ANKRD55: variants seen among roughly 807,000 people sequenced by gnomAD.
ANKRD55 encodes the protein ankyrin repeat domain-containing protein 55.
ANKRD55 carries 41 observed loss-of-function variants against 60.6 expected under a neutral mutation model. That is an observed-to-expected ratio of 0.68 (90% CI 0.53 to 0.88). The LOEUF (loss-of-function observed/expected upper bound fraction) is 0.88. Ranked by LOEUF, ANKRD55 falls within the 40% of genes least tolerant of loss-of-function variation. The pLI is 0.00. For synonymous variants in ANKRD55, 264 were observed against 290.3 expected (o/e 0.91, Z 0.92); for missense variants, 732 against 767.6 (o/e 0.95, Z 0.55).
rs1230889007 is a variant in ANKRD55, at chr5:56,126,925, T to C, written c.794A>G (p.Asp265Gly). Reference sequence around the variant, plus strand: ...ACTTTCTGGTTACCATGGATACCTGTCATCCACATCCAGAGCCTGCAGGTT... The same window carrying C: ...ACTTTCTGGTTACCATGGATACCTGCCATCCACATCCAGAGCCTGCAGGTT... ...ECNLQALDVD[D>G]RTPLHWAAAA... Residue 265 changes from aspartate (D) to glycine (G), a missense_variant, in exon 8 of 12, where the codon GAC becomes GGC. Physicochemically the swap from Asp to Gly is moderately conservative, Grantham distance 94 (BLOSUM62 -1). Coordinates refer to ENST00000341048, the MANE Select transcript of ANKRD55 (RefSeq NM_024669.3). The C allele has an allele frequency of 6.2e-7, 1 of 1,602,878 alleles. No homozygotes were observed. Among genetic ancestry groups the C allele is most frequent in the Non-Finnish European group, 8.5e-7 (1 of 1,173,936 alleles).
intron 4 of ANKRD55, among the ~76,000 whole-genome samples, chr5:56,173,381 A>G (rs1006381060): frequency 2.0e-5 from 3 of 150,558 alleles, no homozygotes; most frequent in African/African-American, 7.3e-5. Context: ...TATTTTTGGT[A>G]GAGACGGGGT....
At chr5:56,142,306 C>G (rs1454844575) in intron 7 of ANKRD55, among the ~76,000 whole-genome samples, 1 of 152,116 alleles carries the variant, frequency 6.6e-6, no homozygotes, top group Admixed American at 6.5e-5. Flanking sequence ...TGCACTCTGG[C>G]CTGGGCTACA....
At chr5:56,147,251 G>C (rs769083339) in intron 6 of ANKRD55, among the ~76,000 whole-genome samples, 6 of 152,276 alleles carry the variant, frequency 3.9e-5, no homozygotes, top group Non-Finnish European at 8.8e-5. Flanking sequence ...TGAGTCCATG[G>C]TAGAGCTAGG....
intron 6 of ANKRD55, among the ~76,000 whole-genome samples, chr5:56,152,682 G>A (rs1466312167): frequency 6.6e-6 from 1 of 152,106 alleles, no homozygotes. Flanking sequence ...GACCTATCTT[G>A]CTTTTTTCAG....
In ANKRD55 at chr5:56,232,878, A is replaced by G. The variant is rs763309236; in HGVS notation, c.36T>C (p.Pro12=). 3.1e-6 allele frequency: 5 copies of G among 1,614,166 alleles called. No individual in the cohort carries two copies. In the South Asian group the frequency reaches 4.4e-5, roughly 14 times the overall value. Residue 12 remains proline (P), a synonymous_variant, in exon 2 of 12, where the codon CCT becomes CCC. Transcript: ENST00000341048. ...TACCTCTTTGCTGATCAAACACAGA[A>G]GGGGTGCTGAAATCCATGGTAGCCT... The part of the protein sequence containing the change: ...MRQATMDFST[P]SVFDQQRGDS...
At chr5:56,182,742 G>A (rs1758877986) in intron 3 of ANKRD55, among the ~76,000 whole-genome samples, 2 of 152,162 alleles carry the variant, frequency 1.3e-5, no homozygotes, top group South Asian at 4.1e-4. Context: ...TAAAGGGGAA[G>A]TAAAGGGGTG....
chr5:56,166,879 T>C (rs1580996588), intron 5 of ANKRD55, among the ~76,000 whole-genome samples: 1 of 152,226 alleles, frequency 6.6e-6, no homozygotes, highest in African/African-American at 2.4e-5. Flanking sequence ...TAATGAATCA[T>C]GAGCCAGGAA....
At chr5:56,106,770 C>T (rs1286667559) in intron 10 of ANKRD55, among the ~76,000 whole-genome samples, 1 of 151,782 alleles carries the variant, frequency 6.6e-6, no homozygotes, top group Non-Finnish European at 1.5e-5. Flanking sequence ...TTTTGGGAGG[C>T]CAAGATGGGA....
chr5:56,162,924 C>T (rs550831457), intron 5 of ANKRD55, among the ~76,000 whole-genome samples: 2 of 152,262 alleles, frequency 1.3e-5, no homozygotes, highest in South Asian at 2.1e-4. Flanking sequence ...GATCCTCAGC[C>T]GCCCGAAGTG....
intron 7 of ANKRD55, 167 bp from the exon 8 acceptor site, chr5:56,127,273 T>C (rs1286453330): frequency 6.1e-6 from 6 of 975,942 alleles, no homozygotes; most frequent in Non-Finnish European, 7.3e-6. Flanking sequence ...ACACTCTATC[T>C]AAGCTCTCCA....
intron 2 of ANKRD55, among the ~76,000 whole-genome samples, chr5:56,185,560 C>T (rs1432243414): frequency 8.1e-5 from 12 of 148,300 alleles, no homozygotes; most frequent in East Asian, 2.1e-4. Flanking sequence ...TCCAGCTACT[C>T]GGGAGGCTGG....
chr5:56,126,900 A>G (rs1757276309), intron 8 of ANKRD55, 22 bp downstream of exon 8: 4 of 1,582,296 alleles, frequency 2.5e-6, no homozygotes, highest in Admixed American at 1.8e-5. Flanking sequence ...GTTTCCCAGC[A>G]CTTTCTGGTT....
At chr5:56,120,936 C>T (rs2111702816) in intron 8 of ANKRD55, among the ~76,000 whole-genome samples, 1 of 149,668 alleles carries the variant, frequency 6.7e-6, no homozygotes, top group South Asian at 2.1e-4. Flanking sequence ...GTGACAAGAG[C>T]ATAAAGGACC....
intron 10 of ANKRD55, among the ~76,000 whole-genome samples, chr5:56,107,700 T>C (rs1756525667): frequency 6.6e-6 from 1 of 152,034 alleles, no homozygotes; most frequent in Non-Finnish European, 1.5e-5. Flanking sequence ...GGACACGCAT[T>C]TTTCCCCCTC....
At chr5:56,171,456 G>C (rs987647144) in intron 4 of ANKRD55, among the ~76,000 whole-genome samples, 1 of 152,000 alleles carries the variant, frequency 6.6e-6, no homozygotes, top group Non-Finnish European at 1.5e-5. Context: ...TCTCCTCCTC[G>C]GTCAACATTT....
intron 7 of ANKRD55, among the ~76,000 whole-genome samples, chr5:56,129,283 G>A (rs867596411): frequency 6.6e-5 from 10 of 152,094 alleles, no homozygotes; most frequent in Admixed American, 5.9e-4. Context: ...GTTTACATTG[G>A]GTAGAAATGT....
chr5:56,141,408 T>G (rs529802088), intron 7 of ANKRD55, among the ~76,000 whole-genome samples: 20 of 152,262 alleles, frequency 1.3e-4, no homozygotes, highest in Middle Eastern at 6.8e-3. Context: ...AGCTCCAGTT[T>G]TGAAAAATAT....
chr5:56,114,645 G>A (rs1422016282), intron 9 of ANKRD55, among the ~76,000 whole-genome samples: 6 of 152,228 alleles, frequency 3.9e-5, no homozygotes, highest in African/African-American at 1.4e-4. Context: ...AATCACGCAT[G>A]TGTATAAGAC....
intron 2 of ANKRD55, among the ~76,000 whole-genome samples, chr5:56,209,643 T>G (rs944151377): frequency 1.3e-5 from 2 of 151,710 alleles, no homozygotes; most frequent in Non-Finnish European, 2.9e-5. Flanking sequence ...ATTTTTGTAT[T>G]TTTAGTAGAG....
Sources: gnomAD v4.1 joint callset for allele counts (sites outside exome capture counted in the v4.1 genomes callset) on GRCh38, gnomAD v4.1.1 for gene constraint, MANE v1.5 for transcripts, NCBI Gene and HGNC (gene_info 2026-07-23, HGNC 2026-07-21) for gene names.